Variants in AQR observed in about 807,000 individuals in gnomAD.
AQR encodes the protein RNA helicase aquarius.
Under a neutral mutation model 180.5 loss-of-function variants are expected in AQR, and 61 were observed. The ratio of observed to expected loss-of-function variants is 0.34; its 90% confidence interval spans 0.28 to 0.42. The LOEUF (loss-of-function observed/expected upper bound fraction) is 0.42, where lower values mean the gene tolerates loss of function less well. Ranked by LOEUF, AQR falls within the 10% of genes least tolerant of loss-of-function variation. The probability of loss-of-function intolerance (pLI) is 1.00; values close to 1 mark genes in which losing one functional copy is unlikely to be tolerated. For synonymous variants in AQR, 551 were observed against 588.8 expected (o/e 0.94, Z 0.93); for missense variants, 1,281 against 1,798.3 (o/e 0.71, Z 5.20).
chr15:34,870,519 CAA>C (rs1892801809), intron 31 of AQR, among the ~76,000 whole-genome samples: 2 of 152,022 alleles, frequency 1.3e-5, no homozygotes, highest in South Asian at 4.1e-4. Context: ...ATTTTATGAA[CAA>C]AAAGTTTCAG....
At chr15:34,871,151 A>T (rs1892810540) in intron 30 of AQR, among the ~76,000 whole-genome samples, 2 of 152,138 alleles carry the variant, frequency 1.3e-5, no homozygotes, top group South Asian at 4.1e-4. Context: ...AACAATCCTA[A>T]AATAAAACTT....
intron 26 of AQR, among the ~76,000 whole-genome samples, chr15:34,882,948 G>A (rs1280710626): frequency 6.6e-6 from 1 of 152,092 alleles, no homozygotes; most frequent in African/African-American, 2.4e-5. Flanking sequence ...AAATAGAAAT[G>A]ATTTCAGGTA....
intron 5 of AQR, among the ~76,000 whole-genome samples, chr15:34,947,104 T>C (rs980000169): frequency 6.6e-6 from 1 of 152,112 alleles, no homozygotes; most frequent in Admixed American, 6.5e-5. Flanking sequence ...AGAAATCGGA[T>C]GGTTGCCGTG....
chr15:34,855,834 T>C lies in AQR; in HGVS notation c.*958A>G, dbSNP rs1042692788. 1 of 152,206 alleles carries C rather than the reference T, an allele frequency of 6.6e-6. No homozygotes were observed. 9.4% of individuals were successfully genotyped at this position (152,206 alleles called of 1,614,324 possible). On this transcript the variant is annotated 3_prime_UTR_variant, in exon 35 of 35. Coordinates refer to ENST00000156471, the MANE Select transcript of AQR (RefSeq NM_014691.3). ...GATGCTGTTGGTTCACAAATCATAC[T>C]TGAGTAGCAAGGTCCCAGGTACCTC... is the stretch of plus-strand genomic sequence containing the variant.
intron 34 of AQR, among the ~76,000 whole-genome samples, chr15:34,857,933 C>T (rs995171518): frequency 6.6e-6 from 1 of 152,160 alleles, no homozygotes; most frequent in Non-Finnish European, 1.5e-5. Flanking sequence ...GTGACTTTCT[C>T]ATCAGGGACT....
rs577737995 is a variant in AQR at position 34,852,242 on chromosome 15, C to T, written c.*4550G>A. ...CTGGAGTACAGTGGCGCCATCTCAG[C>T]TCACTGCAACCTCCCCATCCCGGGT... On this transcript the variant is annotated 3_prime_UTR_variant, in exon 35 of 35. Transcript: ENST00000156471. The T allele has an allele frequency of 6.6e-6, 1 of 151,176 alleles. No homozygotes were observed. The highest frequency in any genetic ancestry group is 2.4e-5 in the African/African-American group (1 of 41,014). 9.4% of individuals were successfully genotyped at this position (151,176 alleles called of 1,614,324 possible).
Position 34,859,902 on chromosome 15 carries a change from C to T in AQR, c.4143+140G>A, listed in dbSNP as rs568053783. ...ACTATATAAAGAAGTTTTAAAAATA[C>T]GAATGTTACATAAATAATAATAGCC... is the stretch of plus-strand genomic sequence containing the variant. On this transcript the variant is annotated intron_variant, in intron 34 of 34. Transcript: ENST00000156471. The T allele has an allele frequency of 6.0e-5, 25 of 416,560 alleles. No homozygotes were observed. In the South Asian group the frequency reaches 7.6e-4, roughly 13 times the overall value. The allele number at this position is 416,560 out of a possible 1,614,324, so 25.8% of individuals were successfully genotyped here.
intron 6 of AQR, chr15:34,942,966 C>T: frequency 8.3e-7 from 1 of 1,197,698 alleles, no homozygotes; most frequent in South Asian, 1.4e-5. Flanking sequence ...CTAATAAAAT[C>T]TTGTTTCTGT....
At chr15:34,898,036 A>G (rs536669323) in intron 20 of AQR, among the ~76,000 whole-genome samples, 1 of 152,326 alleles carries the variant, frequency 6.6e-6, no homozygotes, top group African/African-American at 2.4e-5. Flanking sequence ...GACAGATGGC[A>G]TCTAAGATGA....
intron 34 of AQR, 51 bp from the exon 35 acceptor site, chr15:34,857,157 T>C (rs1595777732): frequency 1.4e-6 from 2 of 1,475,828 alleles, no homozygotes; most frequent in East Asian, 2.3e-5. Flanking sequence ...AAACAGCTTA[T>C]AAAGCTAAGC....
In AQR at chr15:34,851,783, T is replaced by C. The variant is rs1336565160; in HGVS notation, c.*5009A>G. The C allele has an allele frequency of 1.3e-5, 2 of 152,190 alleles. No homozygotes were observed. Among genetic ancestry groups the C allele is most frequent in the Admixed American group, 1.3e-4 (2 of 15,288 alleles). The allele number at this position is 152,190 out of a possible 1,614,324, so 9.4% of individuals were successfully genotyped here. On this transcript the variant is annotated 3_prime_UTR_variant, in exon 35 of 35. Transcript: ENST00000156471. ...CTAAAGAACAGAAAGCCAGACACAT[T>C]GGAAATACAAACTCTTCTTTTACTG...
intron 31 of AQR, chr15:34,867,978 T>C (rs1892761084): frequency 1.1e-5 from 2 of 187,846 alleles, no homozygotes; most frequent in South Asian, 2.3e-4. Flanking sequence ...CTTAGTATGC[T>C]TATTTATTAC....
intron 4 of AQR, among the ~76,000 whole-genome samples, chr15:34,948,933 A>G (rs963616139): frequency 6.6e-6 from 1 of 152,156 alleles, no homozygotes; most frequent in African/African-American, 2.4e-5. Context: ...AAAGGTATCA[A>G]ACGTTGCCAA....
At chr15:34,916,152 T>TAAATTTAGCCCATGACA (rs975629182) in intron 15 of AQR, among the ~76,000 whole-genome samples, 3 of 152,350 alleles carry the variant, frequency 2.0e-5, no homozygotes, top group African/African-American at 7.2e-5. Context: ...AATGTTACCA[T>TAAATTTAGCCCATGACA]AAATTTAGCC....
In AQR at chr15:34,857,111, T is replaced by TAA; in HGVS notation, c.4144-6_4144-5insTT. The TAA allele has an allele frequency of 1.3e-6, 2 of 1,520,470 alleles. No individual in the cohort carries two copies. Among genetic ancestry groups the TAA allele is most frequent in the Non-Finnish European group, 1.8e-6 (2 of 1,141,116 alleles). 94.2% of individuals were successfully genotyped at this position (1,520,470 alleles called of 1,614,324 possible). On this transcript the variant is annotated splice_region_variant and splice_polypyrimidine_tract_variant and intron_variant, in intron 34 of 34. Coordinates refer to ENST00000156471, the MANE Select transcript of AQR (RefSeq NM_014691.3). ...AGGTGGTAGTTGTAATAAAGTCTAA[T>TAA]TAAAAAAAAAAAAACAAAGACAATA...
chr15:34,954,282 TATG>T (rs1219556468), intron 3 of AQR, among the ~76,000 whole-genome samples: 3 of 152,156 alleles, frequency 2.0e-5, no homozygotes, highest in Admixed American at 2.0e-4. Flanking sequence ...AACTTTCCTT[TATG>T]ATAACTAGAC....
At chr15:34,888,589 C>A (rs1450953091) in intron 24 of AQR, among the ~76,000 whole-genome samples, 1 of 151,852 alleles carries the variant, frequency 6.6e-6, no homozygotes, top group East Asian at 1.9e-4. Context: ...CCCAGCTACT[C>A]ACGAGACTGA....
chr15:34,945,047 C>T (rs564624107), intron 5 of AQR, among the ~76,000 whole-genome samples: 6 of 152,324 alleles, frequency 3.9e-5, no homozygotes, highest in South Asian at 2.1e-4. Context: ...AACTCCTTTT[C>T]ACCATATTGA....
At chr15:34,864,954 A>C (rs1892721019) in intron 32 of AQR, among the ~76,000 whole-genome samples, 1 of 151,988 alleles carries the variant, frequency 6.6e-6, no homozygotes, top group Admixed American at 6.6e-5. Flanking sequence ...CTATTACTAA[A>C]TATTAAGAAT....
Sources: gnomAD v4.1 joint callset for allele counts (sites outside exome capture counted in the v4.1 genomes callset) on GRCh38, gnomAD v4.1.1 for gene constraint, MANE v1.5 for transcripts, NCBI Gene and HGNC (gene_info 2026-07-23, HGNC 2026-07-21) for gene names.